The following CORO7 variants were observed in gnomAD, a reference collection of about 807,000 sequenced individuals.
The protein encoded by CORO7 is coronin 7.
A neutral mutation model predicts 126.6 loss-of-function variants in CORO7; 107 were observed. The observed-to-expected ratio is 0.85, with a 90% CI of 0.72 to 0.99. CORO7 has a LOEUF of 0.99. CORO7 is among the 50% of genes least tolerant of loss of function. The pLI, the probability that CORO7 is intolerant of heterozygous loss-of-function variation, is 0.00. For synonymous variants in CORO7, 603 were observed against 536.8 expected, an observed-to-expected ratio of 1.12 and a Z score of -1.70; for missense variants, 1,314 against 1,255.8, an observed-to-expected ratio of 1.05 and a Z score of -0.70.
At chr16:4,398,665 GA>G (rs1215312750) in intron 6 of CORO7, among the ~76,000 whole-genome samples, 2,532 of 116,350 alleles carry the variant, frequency 0.022, 55 homozygotes, top group African/African-American at 0.064. Flanking sequence ...GACTCCATCT[GA>G]AAAAAAAAAA....
intron 16 of CORO7, 131 bp downstream of exon 16, chr16:4,361,854 A>G: frequency 7.1e-7 from 1 of 1,403,076 alleles, no homozygotes; most frequent in Non-Finnish European, 9.8e-7. Context: ...GGCTGGGAGG[A>G]TCACAGGACA....
intron 9 of CORO7, among the ~76,000 whole-genome samples, chr16:4,374,209 G>A (rs1416508220): frequency 6.6e-6 from 1 of 151,990 alleles, no homozygotes; most frequent in South Asian, 2.1e-4. Context: ...GGGTGTTTGG[G>A]GGAGCCTGCT....
chr16:4,410,225 G>C (rs921383162), intron 3 of CORO7, among the ~76,000 whole-genome samples: 1 of 152,094 alleles, frequency 6.6e-6, no homozygotes, highest in Admixed American at 6.6e-5. Flanking sequence ...AGGAGTTCAG[G>C]ACCAGCCTGG....
At chr16:4,365,112 GC>G in intron 10 of CORO7, 52 bp from the exon 11 acceptor site, 1 of 1,556,370 alleles carries the variant, frequency 6.4e-7, no homozygotes. Flanking sequence ...CCTGGGGAGG[GC>G]CCAGGACTGG....
In CORO7 at chr16:4,413,324, G is replaced by C; in HGVS notation, c.141C>G (p.Phe47Leu). 6.3e-7 allele frequency: 1 copy of C among 1,582,330 alleles called. No individual in the cohort carries two copies. The highest frequency in any genetic ancestry group is 8.6e-7 in the Non-Finnish European group (1 of 1,163,018). The change falls in exon 2 of 28, where the codon TTC (phenylalanine) becomes TTG (leucine). Residue 47 changes from phenylalanine (F) to leucine (L), a missense_variant. Physicochemically the swap from Phe to Leu is conservative, Grantham distance 22. Transcript: ENST00000251166. ...ATTCCCTACCAGGACGGTCGGAGTT[G>C]AAGGCGATCAAGCTGCAGCTTGATT... ...HIKSSCSLIAFNSDRPGVLGI... is the reference protein window; with the variant it reads ...HIKSSCSLIALNSDRPGVLGI...
intron 9 of CORO7, chr16:4,383,037 C>A: frequency 1.0e-6 from 1 of 975,698 alleles, no homozygotes; most frequent in Non-Finnish European, 1.5e-6. Context: ...CACAGCTGGG[C>A]CCTGTTCCCT....
chr16:4,386,154 G>C lies in CORO7; in HGVS notation c.785+1832C>G, dbSNP rs150010424. 2.3e-3 allele frequency among the ~76,000 whole-genome samples: 344 copies of C among 152,296 alleles called. 1 individual carries two copies. Among genetic ancestry groups the C allele is most frequent in the African/African-American group, 7.9e-3 (328 of 41,542 alleles). On this transcript the variant is annotated intron_variant, in intron 9 of 27. Coordinates refer to ENST00000251166, the MANE Select transcript of CORO7 (RefSeq NM_024535.5). Reference sequence around the variant, plus strand: ...GCTGGCAGAGCAGGGGCCAGGGCTCGGGGGCAGAGGGGAGAGGACCCTAGC... The same window carrying C: ...GCTGGCAGAGCAGGGGCCAGGGCTCCGGGGCAGAGGGGAGAGGACCCTAGC...
intron 9 of CORO7, chr16:4,382,718 A>C (rs1359301876): frequency 6.4e-7 from 1 of 1,551,436 alleles, no homozygotes; most frequent in African/African-American, 1.4e-5. Flanking sequence ...GACAAAGGGC[A>C]GGTGGGGCCA....
chr16:4,361,063 G>A lies in CORO7; in HGVS notation c.1797C>T (p.Ser599=). 6.2e-7 allele frequency: 1 copy of A among 1,613,384 alleles called. No individual in the cohort carries two copies. The highest frequency in any genetic ancestry group is 1.1e-5 in the South Asian group (1 of 91,084). Residue 599 remains serine, a synonymous_variant, in exon 19 of 28, where the codon TCC becomes TCT. Transcript: ENST00000251166. ...TGGCTGCCAGTGGGTGGAAGCGCAG[G>A]GAGCAGATCTTCTCCGTGTGGCCTG... is the stretch of plus-strand genomic sequence containing the variant. ...VLTGHTEKIC[S]LRFHPLAANV... is the part of the protein sequence containing the mutation.
intron 9 of CORO7, among the ~76,000 whole-genome samples, chr16:4,379,566 G>A (rs1467225553): frequency 6.6e-6 from 1 of 152,142 alleles, no homozygotes; most frequent in Non-Finnish European, 1.5e-5. Context: ...ACCTCCATGA[G>A]CCCTGCTTTC....
chr16:4,409,714 C>A (rs1250981066), intron 3 of CORO7, among the ~76,000 whole-genome samples: 1 of 152,252 alleles, frequency 6.6e-6, no homozygotes, highest in Non-Finnish European at 1.5e-5. Flanking sequence ...TGCCGCCCCA[C>A]AGCCTGGACA....
At chr16:4,415,735 G>A (rs1455113270) in intron 1 of CORO7, 3 of 985,446 alleles carry the variant, frequency 3.0e-6, no homozygotes, top group African/African-American at 1.7e-5. Flanking sequence ...GAAAGCGGAA[G>A]AGCAGAGCTG....
intron 9 of CORO7, among the ~76,000 whole-genome samples, chr16:4,375,515 T>TATTG (rs2054687605): frequency 6.6e-6 from 1 of 152,182 alleles, no homozygotes; most frequent in South Asian, 2.1e-4. Context: ...TGAGATGGAG[T>TATTG]ATTGCTCTGT....
At chr16:4,403,688 A>G (rs141753787) in intron 6 of CORO7, among the ~76,000 whole-genome samples, 109 of 152,300 alleles carry the variant, frequency 7.2e-4, no homozygotes, top group African/African-American at 2.5e-3. Context: ...GGGGCTGCTC[A>G]CTGTCCTTCC....
intron 24 of CORO7, 106 bp downstream of exon 24, chr16:4,358,261 T>C (rs2054043482): frequency 2.5e-5 from 38 of 1,534,120 alleles, no homozygotes; most frequent in Middle Eastern, 1.8e-4. Context: ...GGTGTCCCCA[T>C]GAACAATGGG....
At chr16:4,358,630 A>T in intron 23 of CORO7, 147 bp from the exon 24 acceptor site, 5 of 641,286 alleles carry the variant, frequency 7.8e-6, no homozygotes, top group Non-Finnish European at 9.8e-6. Context: ...CATGTTGAAC[A>T]ACCTGCTCTC....
rs775838457 is a variant in CORO7 at position 4,364,672 on chromosome 16, C to A, written c.1062G>T (p.Glu354Asp). Reference protein sequence around the residue: ...HVPRKAVEFHEDLFPDTAGCV... With the variant: ...HVPRKAVEFHDDLFPDTAGCV... ...AGCCGGCAGTGTCCGGGAACAGGTCCTCGTGGAACTCCACAGCCTGGCCGC... is the reference window on the plus strand; with the variant it reads ...AGCCGGCAGTGTCCGGGAACAGGTCATCGTGGAACTCCACAGCCTGGCCGC... The change falls in exon 13 of 28, where the codon GAG (glutamate) becomes GAT (aspartate). Residue 354 changes from glutamate (E) to aspartate (D), a missense_variant. By Grantham distance (45) the Glu-to-Asp change is conservative (BLOSUM62 2). Coordinates refer to ENST00000251166, the MANE Select transcript of CORO7 (RefSeq NM_024535.5). 1 of 1,582,596 alleles carries A rather than the reference C, an allele frequency of 6.3e-7. No individual in the cohort carries two copies. The highest frequency in any genetic ancestry group is 1.3e-5 in the African/African-American group (1 of 74,626).
At chr16:4,355,443 A>C (rs2053946603) in intron 26 of CORO7, 71 bp from the exon 27 acceptor site, 8 of 1,491,136 alleles carry the variant, frequency 5.4e-6, no homozygotes, top group Non-Finnish European at 7.3e-6. Context: ...CTCCAAGAAC[A>C]ACCCTGACAA....
At chr16:4,375,139 G>T (rs2054674327) in intron 9 of CORO7, among the ~76,000 whole-genome samples, 1 of 152,220 alleles carries the variant, frequency 6.6e-6, no homozygotes, top group Non-Finnish European at 1.5e-5. Flanking sequence ...CGCCCCAGGG[G>T]CTCACTTGAG....
Sources: gnomAD v4.1 joint callset for allele counts (sites outside exome capture counted in the v4.1 genomes callset) on GRCh38, gnomAD v4.1.1 for gene constraint, MANE v1.5 for transcripts, NCBI Gene and HGNC (gene_info 2026-07-23, HGNC 2026-07-21) for gene names.